LARP4: variants seen among roughly 807,000 people sequenced by gnomAD.
LARP4 encodes la-related protein 4.
A neutral mutation model predicts 92.9 loss-of-function variants in LARP4; 29 were observed. That is an observed-to-expected ratio of 0.31 (90% CI 0.23 to 0.43). The LOEUF is 0.43. LARP4 is among the 20% of genes least tolerant of loss of function. The pLI is 1.00. For missense variants in LARP4, 732 were observed against 860.0 expected, an observed-to-expected ratio of 0.85 and a Z score of 1.86; for synonymous variants, 279 against 284.1, an observed-to-expected ratio of 0.98 and a Z score of 0.18.
Position 50,428,826 on chromosome 12 carries a change from A to C in LARP4, c.167-109A>C, listed in dbSNP as rs1438663781. The C allele has an allele frequency of 2.4e-5, 19 of 787,514 alleles. 1 individual carries two copies. The South Asian group carries it at 4.1e-4, about 17-fold the overall frequency. 48.8% of individuals were successfully genotyped at this position (787,514 alleles called of 1,614,324 possible). A position where few individuals can be genotyped will look rare whatever the true frequency, so the allele number is the denominator to read the frequency against. On this transcript the variant is annotated intron_variant, in intron 2 of 15. Transcript: ENST00000398473. ...CTTAAAACCATGCGGACATATTTCA[A>C]ACTGGTAGAAATCCTTAAAATCTTT... is the stretch of plus-strand genomic sequence containing the variant.
At chr12:50,471,759 A>G (rs559314716) in intron 13 of LARP4, among the ~76,000 whole-genome samples, 1 of 152,092 alleles carries the variant, frequency 6.6e-6, no homozygotes, top group Non-Finnish European at 1.5e-5. Context: ...CTGACCTCAG[A>G]TGATCCACCC....
intron 6 of LARP4, among the ~76,000 whole-genome samples, chr12:50,438,639 A>G (rs979414465): frequency 6.6e-6 from 1 of 152,232 alleles, no homozygotes. Context: ...CAATTTGACA[A>G]TTAGATTCTC....
chr12:50,447,082 T>C (rs1952330670), intron 8 of LARP4, among the ~76,000 whole-genome samples: 1 of 152,218 alleles, frequency 6.6e-6, no homozygotes, highest in African/African-American at 2.4e-5. Context: ...AACCTTCTTA[T>C]ATCTTCATAT....
chr12:50,421,176 C>G, intron 1 of LARP4: 1 of 394,094 alleles, frequency 2.5e-6, no homozygotes, highest in African/African-American at 2.2e-5. Context: ...GTCTCGAACT[C>G]CTGACCTCAT....
intron 5 of LARP4, among the ~76,000 whole-genome samples, chr12:50,436,899 T>A (rs1311273264): frequency 3.9e-5 from 6 of 152,186 alleles, no homozygotes; most frequent in African/African-American, 1.2e-4. Flanking sequence ...TTACAGAGGA[T>A]TACAAACATT....
chr12:50,447,484 G>GT (rs2137983352), intron 8 of LARP4, among the ~76,000 whole-genome samples: 1 of 152,268 alleles, frequency 6.6e-6, no homozygotes, highest in Admixed American at 6.5e-5. Context: ...CTTTTTAAAA[G>GT]TAATATAGGA....
chr12:50,433,762 C>G (rs901766663), intron 4 of LARP4, among the ~76,000 whole-genome samples: 1 of 151,936 alleles, frequency 6.6e-6, no homozygotes, highest in East Asian at 1.9e-4. Context: ...GATTCAGCCT[C>G]CCAAGTAGCT....
At chr12:50,466,608 T>C (rs893739311) in intron 12 of LARP4, among the ~76,000 whole-genome samples, 1 of 151,730 alleles carries the variant, frequency 6.6e-6, no homozygotes, top group African/African-American at 2.4e-5. Context: ...ACTAAGACCC[T>C]GTCTCAAAAA....
chr12:50,435,435 G>A lies in LARP4; in HGVS notation c.399-53G>A. ...AGGAAAAGTGAGTAAGATACCTCTT[G>A]TTAGATGCTTTTTAATAATTGCTTG... On this transcript the variant is annotated intron_variant, in intron 4 of 15. Coordinates refer to ENST00000398473, the MANE Select transcript of LARP4 (RefSeq NM_052879.5). The A allele has an allele frequency of 3.7e-6, 4 of 1,075,132 alleles. No individual in the cohort carries two copies. In the South Asian group the frequency reaches 4.0e-5, roughly 11 times the overall value. 66.6% of individuals were successfully genotyped at this position (1,075,132 alleles called of 1,614,324 possible). A position where few individuals can be genotyped will look rare whatever the true frequency, so the allele number is the denominator to read the frequency against.
At chr12:50,435,968 G>A (rs563264150) in intron 5 of LARP4, among the ~76,000 whole-genome samples, 14 of 125,690 alleles carry the variant, frequency 1.1e-4, no homozygotes, top group East Asian at 1.0e-3. Flanking sequence ...GTATAGAGGT[G>A]GGGTCTTGGT....
intron 8 of LARP4, among the ~76,000 whole-genome samples, chr12:50,443,606 A>G (rs1951570393): frequency 6.6e-6 from 1 of 150,862 alleles, no homozygotes. Flanking sequence ...ATTTAATTTT[A>G]TTTTCTTAAT....
intron 1 of LARP4, among the ~76,000 whole-genome samples, chr12:50,402,307 A>G (rs750877252): frequency 2.0e-5 from 3 of 152,220 alleles, no homozygotes; most frequent in Admixed American, 6.5e-5. Flanking sequence ...CATAATAAAC[A>G]TTCATTGGAA....
At chr12:50,404,940 G>A (rs1487093273) in intron 1 of LARP4, among the ~76,000 whole-genome samples, 3 of 151,592 alleles carry the variant, frequency 2.0e-5, no homozygotes, top group African/African-American at 4.8e-5. Flanking sequence ...CGCCCACCTC[G>A]GGCTCCCAAA....
At chr12:50,421,552 G>T (rs1479884606) in intron 1 of LARP4, among the ~76,000 whole-genome samples, 1 of 151,960 alleles carries the variant, frequency 6.6e-6, no homozygotes, top group African/African-American at 2.4e-5. Flanking sequence ...TGAGGCAGGA[G>T]GAGAATCGCT....
At chr12:50,401,697 A>G (rs1432761575) in intron 1 of LARP4, among the ~76,000 whole-genome samples, 4 of 152,200 alleles carry the variant, frequency 2.6e-5, no homozygotes, top group Non-Finnish European at 4.4e-5. Flanking sequence ...GGTTGGTTCT[A>G]TGAACCGATT....
chr12:50,429,006 A>G lies in LARP4; in HGVS notation c.238A>G (p.Arg80Gly). 1.9e-6 allele frequency: 3 copies of G among 1,611,236 alleles called. No homozygotes were observed. Among genetic ancestry groups the G allele is most frequent in the Non-Finnish European group, 2.5e-6 (3 of 1,177,950 alleles). The change falls in exon 3 of 16, where the codon AGA becomes GGA. Residue 80 changes from arginine (R) to glycine (G), a missense_variant. Transcript: ENST00000398473. ...GTATTCTTCATCTTGTGAAACCACAAGAAATACTACAGGCATTGAAGAATC... is the reference window on the plus strand; with the variant it reads ...GTATTCTTCATCTTGTGAAACCACAGGAAATACTACAGGCATTGAAGAATC... ...VMYSSSCETT[R>G]NTTGIEESTD...
intron 8 of LARP4, among the ~76,000 whole-genome samples, chr12:50,452,101 A>G (rs746236156): frequency 3.9e-5 from 6 of 152,204 alleles, no homozygotes; most frequent in Non-Finnish European, 7.3e-5. Context: ...GGTTGTTTCC[A>G]TATGTTAGCC....
chr12:50,400,897 T>G lies in LARP4; in HGVS notation c.-114T>G, dbSNP rs1943683119. The G allele has an allele frequency of 4.1e-6, 6 of 1,464,652 alleles. No homozygotes were observed. Among genetic ancestry groups the G allele is most frequent in the Non-Finnish European group, 5.7e-6 (6 of 1,044,244 alleles). 90.7% of individuals were successfully genotyped at this position (1,464,652 alleles called of 1,614,324 possible). On this transcript the variant is annotated 5_prime_UTR_variant, in exon 1 of 16. Transcript: ENST00000398473. ...ACGGCAGGGGAGGAGCCGGGTCCAC[T>G]GCCGGGTGGAGGGGCAAGGCGAGTG...
chr12:50,472,583 A>G (rs1957049552), intron 13 of LARP4, among the ~76,000 whole-genome samples: 1 of 151,072 alleles, frequency 6.6e-6, no homozygotes, highest in African/African-American at 2.4e-5. Context: ...CCGTGGTACT[A>G]TCATGGTTCA....
Sources: gnomAD v4.1 joint callset for allele counts (sites outside exome capture counted in the v4.1 genomes callset) on GRCh38, gnomAD v4.1.1 for gene constraint, MANE v1.5 for transcripts, NCBI Gene and HGNC (gene_info 2026-07-23, HGNC 2026-07-21) for gene names.